The following FANK1 variants were observed in gnomAD, a reference collection of about 807,000 sequenced individuals.
The protein encoded by FANK1 is fibronectin type 3 and ankyrin repeat domains protein 1.
In FANK1, 44 loss-of-function variants were observed where a neutral mutation model predicts 45.3. That is an observed-to-expected ratio of 0.97 (90% CI 0.76 to 1.25). The LOEUF (loss-of-function observed/expected upper bound fraction) is 1.25, where lower values mean the gene tolerates loss of function less well. Among genes scored for constraint, FANK1 ranks in the 50% most tolerant of loss-of-function variants. The probability of loss-of-function intolerance (pLI) is 0.00; values close to 1 mark genes in which losing one functional copy is unlikely to be tolerated. For synonymous variants in FANK1, 149 were observed against 152.5 expected, an observed-to-expected ratio of 0.98 and a Z score of 0.17; for missense variants, 391 against 424.4, an observed-to-expected ratio of 0.92 and a Z score of 0.69.
rs370930083 is a variant in FANK1, at chr10:125,902,029, G to A, written c.13+5374G>A. 9.9e-5 allele frequency among the ~76,000 whole-genome samples: 15 copies of A among 152,204 alleles called. No individual in the cohort carries two copies. The East Asian group carries it at 1.5e-3, about 16-fold the overall frequency. ...AGCTACTCACGTGGCTGAGGCAGGA[G>A]AATTGCTTGAACCTGGGAGGTGGAG... On this transcript the variant is annotated intron_variant, in intron 1 of 10. Coordinates refer to ENST00000368693, the MANE Select transcript of FANK1 (RefSeq NM_145235.5).
At chr10:125,996,512 A>G (rs752724796) in intron 4 of FANK1, 38 bp from the exon 5 acceptor site, 19 of 1,602,102 alleles carry the variant, frequency 1.2e-5, no homozygotes, top group South Asian at 6.6e-5. Flanking sequence ...CAGTAGCTGT[A>G]CTGAGCATGT....
chr10:125,913,698 G>A (rs907458938), intron 1 of FANK1, among the ~76,000 whole-genome samples: 6 of 152,206 alleles, frequency 3.9e-5, no homozygotes, highest in African/African-American at 1.4e-4. Flanking sequence ...AATCTGGGTT[G>A]CTGTATACCA....
intron 1 of FANK1, among the ~76,000 whole-genome samples, chr10:125,927,170 T>G (rs1418277845): frequency 6.6e-6 from 1 of 152,092 alleles, no homozygotes; most frequent in Non-Finnish European, 1.5e-5. Flanking sequence ...TGCAGTGGCA[T>G]GATCATGGCT....
chr10:125,968,234 A>T (rs1210901072), intron 1 of FANK1, among the ~76,000 whole-genome samples: 1 of 152,160 alleles, frequency 6.6e-6, no homozygotes, highest in Non-Finnish European at 1.5e-5. Context: ...TTGGGATTAC[A>T]GATGTTGGTT....
At chr10:125,961,994 C>A (rs539454526) in intron 1 of FANK1, among the ~76,000 whole-genome samples, 243 of 152,184 alleles carry the variant, frequency 1.6e-3, no homozygotes, top group Non-Finnish European at 2.5e-3. Context: ...AATGAGATTA[C>A]ATCAAACAAA....
intron 1 of FANK1, among the ~76,000 whole-genome samples, chr10:125,898,432 T>C (rs1188386824): frequency 6.6e-6 from 1 of 151,668 alleles, no homozygotes; most frequent in Non-Finnish European, 1.5e-5. Flanking sequence ...GGTTCGGAGA[T>C]TGGGGGAAGA....
At position 125,927,602 on chromosome 10, in the gene FANK1, T is replaced by G. The variant is rs189695935; in HGVS notation, c.13+30947T>G. ...CTCACTCTTGTCGCCCAAGCTGGAG[T>G]GCAATGGCGCAATCTCAGCTCACTG... is the stretch of plus-strand genomic sequence containing the variant. On this transcript the variant is annotated intron_variant, in intron 1 of 10. Coordinates refer to ENST00000368693, the MANE Select transcript of FANK1 (RefSeq NM_145235.5). Among the ~76,000 whole-genome samples the G allele has an allele frequency of 2.7e-3, 403 of 151,820 alleles. 1 individual carries two copies. The highest frequency in any genetic ancestry group is 9.3e-3 in the African/African-American group (383 of 41,382).
chr10:125,950,994 C>CA (rs1471500965), intron 1 of FANK1, among the ~76,000 whole-genome samples: 1 of 147,004 alleles, frequency 6.8e-6, no homozygotes. Context: ...ATCGCAAGAA[C>CA]AAAAAACCAA....
chr10:125,945,790 T>C (rs1443232000), intron 1 of FANK1, among the ~76,000 whole-genome samples: 4 of 152,230 alleles, frequency 2.6e-5, no homozygotes, highest in Admixed American at 6.5e-5. Flanking sequence ...GCTCCACCTC[T>C]GGGGGCAGGG....
intron 1 of FANK1, among the ~76,000 whole-genome samples, chr10:125,917,257 C>G (rs1364187977): frequency 1.3e-5 from 2 of 152,138 alleles, no homozygotes; most frequent in African/African-American, 4.8e-5. Flanking sequence ...GAAGGAAGTC[C>G]CCTCTGCTTT....
intron 1 of FANK1, among the ~76,000 whole-genome samples, chr10:125,978,206 C>T (rs1017467432): frequency 5.9e-5 from 9 of 152,270 alleles, no homozygotes; most frequent in Middle Eastern, 3.4e-3. Flanking sequence ...CTGGGAGCTT[C>T]GTCCCAGGGA....
intron 1 of FANK1, among the ~76,000 whole-genome samples, chr10:125,898,714 T>C (rs1237413809): frequency 6.6e-6 from 1 of 152,142 alleles, no homozygotes; most frequent in Admixed American, 6.5e-5. Context: ...TCTGTAACCA[T>C]GTGAGAAATG....
chr10:125,908,496 A>G (rs963798331), intron 1 of FANK1, among the ~76,000 whole-genome samples: 3 of 152,228 alleles, frequency 2.0e-5, no homozygotes, highest in Non-Finnish European at 4.4e-5. Flanking sequence ...TAAGTAACTC[A>G]GGAATGGAAA....
At chr10:125,996,929 TAG>T (rs1952375632) in intron 5 of FANK1, among the ~76,000 whole-genome samples, 1 of 152,112 alleles carries the variant, frequency 6.6e-6, no homozygotes, top group South Asian at 2.1e-4. Flanking sequence ...TTTTAAGATG[TAG>T]AGAGAGGGAT....
chr10:125,988,501 G>A, intron 2 of FANK1, 50 bp from the exon 3 acceptor site: 1 of 1,599,614 alleles, frequency 6.3e-7, no homozygotes, highest in Non-Finnish European at 8.5e-7. Context: ...ATCAGAGAGT[G>A]CAGATTAAGC....
chr10:125,950,522 A>C (rs1483866720), intron 1 of FANK1, among the ~76,000 whole-genome samples: 15 of 152,152 alleles, frequency 9.9e-5, no homozygotes, highest in Non-Finnish European at 1.5e-5. Context: ...AAAAATGCTC[A>C]TCATCACTGG....
chr10:125,918,013 A>G (rs1367500153), intron 1 of FANK1, among the ~76,000 whole-genome samples: 2 of 152,116 alleles, frequency 1.3e-5, no homozygotes, highest in African/African-American at 4.8e-5. Flanking sequence ...CTGGGGGTTC[A>G]AGCTTTCAGT....
chr10:125,995,296 T>C (rs1477189363), intron 3 of FANK1, 121 bp from the exon 4 acceptor site: 4 of 828,700 alleles, frequency 4.8e-6, no homozygotes, highest in Non-Finnish European at 8.0e-6. Context: ...AAGATATACT[T>C]AACAGGAATA....
chr10:125,940,619 C>T (rs545858897), intron 1 of FANK1, among the ~76,000 whole-genome samples: 226 of 152,192 alleles, frequency 1.5e-3, no homozygotes, highest in African/African-American at 5.0e-3. Flanking sequence ...CCTCAAGAGG[C>T]CTTCCTCTTT....
Sources: gnomAD v4.1 joint callset for allele counts (sites outside exome capture counted in the v4.1 genomes callset) on GRCh38, gnomAD v4.1.1 for gene constraint, MANE v1.5 for transcripts, NCBI Gene and HGNC (gene_info 2026-07-23, HGNC 2026-07-21) for gene names.